GSTO1: variants seen among roughly 807,000 people sequenced by gnomAD.
The protein encoded by GSTO1 is glutathione S-transferase omega-1.
GSTO1 carries 27 observed loss-of-function variants against 23.8 expected under a neutral mutation model. The ratio of observed to expected loss-of-function variants is 1.13; its 90% CI spans 0.83 to 1.56. The LOEUF is 1.56. GSTO1 is among the 40% of genes most tolerant of loss of function. GSTO1 has a pLI of 0.00. For synonymous variants in GSTO1, 105 were observed against 109.3 expected (o/e 0.96, Z 0.25); for missense variants, 255 against 285.8 (o/e 0.89, Z 0.78).
At chr10:104,257,682 A>C (rs1278258274) in intron 2 of GSTO1, among the ~76,000 whole-genome samples, 1 of 152,164 alleles carries the variant, frequency 6.6e-6, no homozygotes, top group Non-Finnish European at 1.5e-5. Context: ...CTTCATAAAA[A>C]CCAAGAAACT....
chr10:104,255,462 C>CCAA lies in GSTO1; in HGVS notation c.143+193_143+195dup, dbSNP rs1277149135. Reference sequence around the variant, plus strand: ...CCCTAGGAAAAATAGGCCACAGATTCCAACGGTCTAGGACACCTCATTTAG... The same window carrying CCAA: ...CCCTAGGAAAAATAGGCCACAGATTCCAACAACGGTCTAGGACACCTCATTTAG... On this transcript the variant is annotated intron_variant, in intron 2 of 5. Transcript: ENST00000369713. 4.2e-4 allele frequency among the ~76,000 whole-genome samples: 64 copies of CCAA among 152,254 alleles called. 1 individual carries two copies. Among genetic ancestry groups the CCAA allele is most frequent in the Admixed American group, 3.5e-3 (54 of 15,300 alleles).
intron 2 of GSTO1, among the ~76,000 whole-genome samples, chr10:104,256,736 C>A (rs956860488): frequency 7.9e-5 from 12 of 151,980 alleles, no homozygotes; most frequent in African/African-American, 2.9e-4. Flanking sequence ...TGTTGGCTCA[C>A]AATGCCAGCT....
intron 2 of GSTO1, among the ~76,000 whole-genome samples, chr10:104,256,295 CTT>C (rs1355101785): frequency 3.9e-5 from 6 of 152,146 alleles, no homozygotes; most frequent in Non-Finnish European, 5.9e-5. Flanking sequence ...TGATAGAACT[CTT>C]TTATTGTACT....
rs367991202 is a variant in GSTO1, at chr10:104,259,565, G to A, written c.144-11G>A. The A allele has an allele frequency of 3.8e-5, 58 of 1,530,534 alleles. No individual in the cohort carries two copies. The African/African-American group carries it at 7.0e-4, about 18-fold the overall frequency. The allele number at this position is 1,530,534 out of a possible 1,614,324, so 94.8% of individuals were successfully genotyped here. On this transcript the variant is annotated splice_polypyrimidine_tract_variant and intron_variant, in intron 2 of 5. Transcript: ENST00000369713. ...TTTCCTTCTCTTCATAGTCTCCTAT[G>A]TGTCTTTCAGGCATGAAGTCATCAA...
intron 2 of GSTO1, among the ~76,000 whole-genome samples, chr10:104,257,201 T>C (rs566548525): frequency 6.6e-5 from 10 of 152,188 alleles, no homozygotes; most frequent in Non-Finnish European, 1.5e-4. Context: ...ACATACAAGA[T>C]AGACCTAAAT....
At chr10:104,259,183 G>T (rs2011115793) in intron 2 of GSTO1, among the ~76,000 whole-genome samples, 1 of 152,202 alleles carries the variant, frequency 6.6e-6, no homozygotes, top group African/African-American at 2.4e-5. Context: ...AGTTCTCAAA[G>T]AGATATTAGC....
intron 4 of GSTO1, among the ~76,000 whole-genome samples, chr10:104,265,473 T>C (rs78585486): frequency 0.073 from 11,182 of 152,216 alleles, 1,370 homozygotes; most frequent in African/African-American, 0.25. Context: ...TCACATAACA[T>C]ATCTTTTGGT....
rs17878943 is a variant in GSTO1 at position 104,267,434 on chromosome 10, G to C, written c.*29G>C. On this transcript the variant is annotated 3_prime_UTR_variant, in exon 6 of 6. Transcript: ENST00000369713. ...GGGCAGGAGTCAGCAATAAAGCTATGTCTGATATTTTCCTTCACTAATATG... is the reference window on the plus strand; with the variant it reads ...GGGCAGGAGTCAGCAATAAAGCTATCTCTGATATTTTCCTTCACTAATATG... 9 of 1,532,656 alleles carry C rather than the reference G, an allele frequency of 5.9e-6. 2 individuals carry two copies. The Admixed American group carries it at 1.9e-4, about 33-fold the overall frequency. 94.9% of individuals were successfully genotyped at this position (1,532,656 alleles called of 1,614,324 possible). A position where few individuals can be genotyped will look rare whatever the true frequency, so the allele number is the denominator to read the frequency against.
rs762481386 is a variant in GSTO1, at chr10:104,254,976, G to C, written c.34+14G>C. The C allele has an allele frequency of 1.9e-6, 3 of 1,603,470 alleles. No individual in the cohort carries two copies. The highest frequency in any genetic ancestry group is 2.6e-6 in the Non-Finnish European group (3 of 1,175,052). On this transcript the variant is annotated intron_variant, in intron 1 of 5. Coordinates refer to ENST00000369713, the MANE Select transcript of GSTO1 (RefSeq NM_004832.3). ...GCTTGGGGAAGGGTGAGGCCTGCCC[G>C]CCGCGAAGAGGGGGTGATCTCGGCG...
At chr10:104,262,513 A>C (rs1490478558) in intron 3 of GSTO1, among the ~76,000 whole-genome samples, 2 of 152,098 alleles carry the variant, frequency 1.3e-5, no homozygotes, top group Non-Finnish European at 2.9e-5. Flanking sequence ...GAGTTTTCAG[A>C]CCAGCCTGGC....
At chr10:104,257,043 C>G (rs597366) in intron 2 of GSTO1, among the ~76,000 whole-genome samples, 1 of 152,180 alleles carries the variant, frequency 6.6e-6, no homozygotes, top group Non-Finnish European at 1.5e-5. Context: ...AAATGCTGTT[C>G]TAGCTACAGC....
chr10:104,259,729 G>T lies in GSTO1; in HGVS notation c.297G>T (p.Gly99=). 1 of 1,613,828 alleles carries T rather than the reference G, an allele frequency of 6.2e-7. No individual in the cohort carries two copies. The highest frequency in any genetic ancestry group is 8.5e-7 in the Non-Finnish European group (1 of 1,179,722). ...AGTACCTGGATGAAGCATACCCAGG[G>T]AAGAAGCTGTTGCCGGATGACCCCT... ...TCEYLDEAYP[G]KKLLPDDPYE... The change falls in exon 3 of 6, where the codon GGG becomes GGT. Residue 99 remains glycine, a synonymous_variant. Transcript: ENST00000369713.
intron 2 of GSTO1, among the ~76,000 whole-genome samples, chr10:104,258,759 G>T (rs1253235987): frequency 6.6e-6 from 1 of 152,090 alleles, no homozygotes; most frequent in Admixed American, 6.6e-5. Flanking sequence ...GAGGTAGGAG[G>T]ATCGCTTTAG....
chr10:104,262,021 C>T, intron 3 of GSTO1, among the ~76,000 whole-genome samples: 1 of 150,682 alleles, frequency 6.6e-6, no homozygotes, highest in East Asian at 1.9e-4. Context: ...AGTTTTGTGA[C>T]CTAGGCTCTT....
intron 3 of GSTO1, among the ~76,000 whole-genome samples, chr10:104,262,374 T>C (rs1210709657): frequency 1.3e-5 from 2 of 152,192 alleles, no homozygotes; most frequent in Non-Finnish European, 2.9e-5. Flanking sequence ...GCCTGTTTGT[T>C]CCGCCTCCCA....
rs764766650 is a variant in GSTO1 at position 104,267,340 on chromosome 10, G to T, written c.661G>T (p.Asp221Tyr). ...TVSALLTSEK[D>Y]WQGFLELYLQ... ...CTCAGCCCTGCTTACTAGTGAGAAA[G>T]ACTGGCAAGGTTTCCTAGAGCTCTA... Residue 221 changes from aspartate (D) to tyrosine (Y), a missense_variant, in exon 6 of 6, where the codon GAC becomes TAC. Coordinates refer to ENST00000369713, the MANE Select transcript of GSTO1 (RefSeq NM_004832.3). 3 of 1,613,850 alleles carry T rather than the reference G, an allele frequency of 1.9e-6. No individual in the cohort carries two copies. The East Asian group carries it at 6.7e-5, about 36-fold the overall frequency.
chr10:104,256,421 G>A (rs765589200), intron 2 of GSTO1, among the ~76,000 whole-genome samples: 1 of 152,220 alleles, frequency 6.6e-6, no homozygotes, highest in Non-Finnish European at 1.5e-5. Flanking sequence ...CCTGGGTTAT[G>A]TGCTTCACCC....
chr10:104,267,120 T>C lies in GSTO1; in HGVS notation c.573-132T>C, dbSNP rs2011200047. 9.0e-6 allele frequency: 5 copies of C among 555,262 alleles called. No homozygotes were observed. The East Asian group carries it at 1.5e-4, about 16-fold the overall frequency. The allele number at this position is 555,262 out of a possible 1,614,324, so 34.4% of individuals were successfully genotyped here. On this transcript the variant is annotated intron_variant, in intron 5 of 5. Coordinates refer to ENST00000369713, the MANE Select transcript of GSTO1 (RefSeq NM_004832.3). ...CAAATTGAATATTCTATTACAGGCA[T>C]TTTTAAATATTTTTAATGAAATATT...
Position 104,266,104 on chromosome 10 carries a change from G to A in GSTO1, c.486G>A (p.Thr162=), listed in dbSNP as rs1272271976. ...TTCAGGTTCTGACTAATAAGAAGAC[G>A]ACCTTCTTTGGTGGCAATTCTATCT... ...KLEEVLTNKK[T]TFFGGNSISM... Residue 162 remains threonine, a synonymous_variant, in exon 5 of 6, where the codon ACG becomes ACA. Coordinates refer to ENST00000369713, the MANE Select transcript of GSTO1 (RefSeq NM_004832.3). 14 of 1,598,052 alleles carry A rather than the reference G, an allele frequency of 8.8e-6. No homozygotes were observed. Among genetic ancestry groups the A allele is most frequent in the African/African-American group, 2.7e-5 (2 of 74,582 alleles).
Sources: gnomAD v4.1 joint callset for allele counts (sites outside exome capture counted in the v4.1 genomes callset) on GRCh38, gnomAD v4.1.1 for gene constraint, MANE v1.5 for transcripts, NCBI Gene and HGNC (gene_info 2026-07-23, HGNC 2026-07-21) for gene names.